The following NCALD variants were observed in gnomAD, a reference collection of about 807,000 sequenced individuals.
NCALD encodes the protein neurocalcin-delta.
Under a neutral mutation model 18.6 loss-of-function variants are expected in NCALD, and 10 were observed. The observed-to-expected ratio is 0.54, with a 90% CI of 0.33 to 0.91. NCALD has a LOEUF of 0.91. Among genes scored for constraint, NCALD ranks in the 40% least tolerant of loss-of-function variants. NCALD has a pLI of 0.03. For missense variants in NCALD, 184 were observed against 247.6 expected (o/e 0.74, Z 1.72); for synonymous variants, 88 against 87.4 (o/e 1.01, Z -0.04).
intron 4 of NCALD, among the ~76,000 whole-genome samples, chr8:101,880,446 G>A (rs968754380): frequency 6.6e-6 from 1 of 152,170 alleles, no homozygotes; most frequent in Non-Finnish European, 1.5e-5. Flanking sequence ...AGCCCGGAGA[G>A]GGGCCCCCAC....
chr8:101,700,039 T>TATTTATTTATTTATTTATTC (rs1815184458), intron 2 of NCALD, among the ~76,000 whole-genome samples: 1 of 151,630 alleles, frequency 6.6e-6, no homozygotes, highest in Non-Finnish European at 1.5e-5. Context: ...TTTATTTATT[T>TATTTATTTATTTATTTATTC]ATTTATTTAT....
intron 4 of NCALD, among the ~76,000 whole-genome samples, chr8:101,878,056 C>T (rs1036458024): frequency 6.6e-6 from 1 of 152,144 alleles, no homozygotes; most frequent in Admixed American, 6.5e-5. Context: ...TGCTGTATGT[C>T]CCAGAAATAA....
chr8:101,970,223 T>C (rs1820188880), intron 2 of NCALD, among the ~76,000 whole-genome samples: 1 of 152,214 alleles, frequency 6.6e-6, no homozygotes, highest in Admixed American at 6.5e-5. Context: ...AAATAACCTC[T>C]TTAATGCCTT....
At chr8:101,841,439 G>T (rs569226329) in intron 4 of NCALD, among the ~76,000 whole-genome samples, 1 of 152,120 alleles carries the variant, frequency 6.6e-6, no homozygotes, top group Non-Finnish European at 1.5e-5. Flanking sequence ...TTTGTTGTAG[G>T]GGACTTTCCT....
intron 3 of NCALD, among the ~76,000 whole-genome samples, chr8:101,898,996 T>A (rs1440693765): frequency 6.6e-6 from 1 of 152,076 alleles, no homozygotes; most frequent in African/African-American, 2.4e-5. Flanking sequence ...TTTACTAAGT[T>A]GACTCTTCCA....
chr8:102,046,443 ATCT>A (rs1229713735), intron 1 of NCALD, among the ~76,000 whole-genome samples: 1 of 152,228 alleles, frequency 6.6e-6, no homozygotes, highest in African/African-American at 2.4e-5. Flanking sequence ...TAAACATCTA[ATCT>A]TCTAGTCATT....
chr8:101,901,845 C>T (rs1226107816), intron 3 of NCALD, among the ~76,000 whole-genome samples: 1 of 151,864 alleles, frequency 6.6e-6, no homozygotes, highest in African/African-American at 2.4e-5. Context: ...GGTTAGTGTG[C>T]AGTGGCAGGA....
intron 4 of NCALD, among the ~76,000 whole-genome samples, chr8:101,803,681 G>A (rs1247064159): frequency 6.6e-6 from 1 of 152,124 alleles, no homozygotes; most frequent in Non-Finnish European, 1.5e-5. Context: ...CAGGAGTTTG[G>A]GAGAAGTTGA....
chr8:101,758,319 G>A (rs1279957040), intron 1 of NCALD, among the ~76,000 whole-genome samples: 1 of 152,042 alleles, frequency 6.6e-6, no homozygotes. Flanking sequence ...CCCTCCATAG[G>A]CTGTCTCCTG....
chr8:101,746,816 A>T (rs13281871), intron 1 of NCALD, among the ~76,000 whole-genome samples: 93,153 of 151,884 alleles, frequency 0.61, 31,411 homozygotes, highest in Non-Finnish European at 0.75. Flanking sequence ...TGATGACCTT[A>T]TCGTTAGCTA....
intron 2 of NCALD, among the ~76,000 whole-genome samples, chr8:101,953,635 T>C (rs1005214843): frequency 2.0e-5 from 3 of 152,256 alleles, no homozygotes; most frequent in Admixed American, 6.5e-5. Flanking sequence ...GCCTTGCTCA[T>C]GACAGGCACT....
At chr8:102,089,283 A>C (rs1231340120) in intron 1 of NCALD, among the ~76,000 whole-genome samples, 2 of 152,120 alleles carry the variant, frequency 1.3e-5, no homozygotes, top group South Asian at 4.1e-4. Flanking sequence ...AATCCTAGCT[A>C]CTTGGGAGTC....
intron 2 of NCALD, among the ~76,000 whole-genome samples, chr8:101,943,927 G>A (rs1039001228): frequency 6.6e-6 from 1 of 151,666 alleles, no homozygotes; most frequent in East Asian, 1.9e-4. Flanking sequence ...GGCAACAGAG[G>A]GAGTCTGTGT....
chr8:101,701,217 T>C (rs895669723), intron 2 of NCALD, among the ~76,000 whole-genome samples: 11 of 152,064 alleles, frequency 7.2e-5, no homozygotes, highest in African/African-American at 2.2e-4. Context: ...TGGGACTGCA[T>C]AGCACAGAGG....
intron 4 of NCALD, among the ~76,000 whole-genome samples, chr8:101,812,304 A>C (rs1458669740): frequency 6.6e-6 from 1 of 152,100 alleles, no homozygotes; most frequent in Non-Finnish European, 1.5e-5. Flanking sequence ...AATCAAGCTC[A>C]TCACTAAAGC....
chr8:102,061,294 G>A (rs1433361688), intron 1 of NCALD, among the ~76,000 whole-genome samples: 3 of 152,182 alleles, frequency 2.0e-5, no homozygotes, highest in Non-Finnish European at 4.4e-5. Flanking sequence ...TTATGGCTCT[G>A]ATGGACATCC....
At chr8:101,972,860 G>A (rs1016357940) in intron 2 of NCALD, among the ~76,000 whole-genome samples, 2 of 152,096 alleles carry the variant, frequency 1.3e-5, no homozygotes, top group African/African-American at 4.8e-5. Flanking sequence ...AACTGCATAG[G>A]GTAAGCTGGA....
rs573370717 is a variant in NCALD, at chr8:101,905,615, C to T, written c.-107+10194G>A. Among the ~76,000 whole-genome samples the T allele has an allele frequency of 9.2e-5, 14 of 152,326 alleles. No homozygotes were observed. In the South Asian group the frequency reaches 2.9e-3, roughly 32 times the overall value. ...CCCAACTTCTACTTACATCCACCCT[C>T]TACCCCTCCACACACCACTCAATTA... On this transcript the variant is annotated intron_variant, in intron 3 of 6. Transcript: ENST00000311028.
chr8:101,700,055 TATTC>T (rs1370985131), intron 2 of NCALD, among the ~76,000 whole-genome samples: 1 of 150,776 alleles, frequency 6.6e-6, no homozygotes, highest in Non-Finnish European at 1.5e-5. Context: ...TTTATTTATT[TATTC>T]ATTTATTTAT....
Sources: gnomAD v4.1 joint callset for allele counts (sites outside exome capture counted in the v4.1 genomes callset) on GRCh38, gnomAD v4.1.1 for gene constraint, MANE v1.5 for transcripts, NCBI Gene and HGNC (gene_info 2026-07-23, HGNC 2026-07-21) for gene names.